Variants in DLG2 observed in about 807,000 individuals in gnomAD.
The protein encoded by DLG2 is discs large MAGUK scaffold protein 2, also known as disks large homolog 2.
DLG2 carries 45 observed loss-of-function variants against 132.5 expected under a neutral mutation model. That is an observed-to-expected ratio of 0.34 (90% CI 0.27 to 0.44). The LOEUF is 0.44. DLG2 is among the 20% of genes least tolerant of loss of function. The probability of loss-of-function intolerance (pLI) is 1.00; values close to 1 mark genes in which losing one functional copy is unlikely to be tolerated. For synonymous variants in DLG2, 424 were observed against 419.6 expected (o/e 1.01, Z -0.13); for missense variants, 1,045 against 1,196.9 (o/e 0.87, Z 1.87).
chr11:83,705,635 A>G (rs1335899223), intron 18 of DLG2, among the ~76,000 whole-genome samples: 3 of 152,210 alleles, frequency 2.0e-5, no homozygotes, highest in Non-Finnish European at 4.4e-5. Context: ...TAACATTTAA[A>G]AAGAACAACA....
At chr11:84,640,170 G>C (rs2099654783) in intron 6 of DLG2, 1 of 266,024 alleles carries the variant, frequency 3.8e-6, no homozygotes, top group East Asian at 1.2e-4. Flanking sequence ...GACAAATGGA[G>C]AAACAGAAAA....
At chr11:83,703,314 T>C (rs2083295206) in intron 18 of DLG2, among the ~76,000 whole-genome samples, 1 of 152,208 alleles carries the variant, frequency 6.6e-6, no homozygotes, top group Admixed American at 6.5e-5. Flanking sequence ...TCTTGAATTG[T>C]AATGTTTAAT....
intron 3 of DLG2, among the ~76,000 whole-genome samples, chr11:85,442,078 G>A (rs910173364): frequency 4.0e-5 from 6 of 151,830 alleles, no homozygotes; most frequent in Admixed American, 6.6e-5. Flanking sequence ...CAATGAGCAA[G>A]GAAATAAGTG....
At chr11:83,979,989 C>T (rs2092637860) in intron 12 of DLG2, among the ~76,000 whole-genome samples, 2 of 152,152 alleles carry the variant, frequency 1.3e-5, no homozygotes, top group Non-Finnish European at 2.9e-5. Flanking sequence ...ATACATTGTA[C>T]ATGTACTTTT....
chr11:84,841,588 T>C (rs2080699677), intron 6 of DLG2, among the ~76,000 whole-genome samples: 1 of 152,000 alleles, frequency 6.6e-6, no homozygotes, highest in Non-Finnish European at 1.5e-5. Flanking sequence ...TGGTAGATGG[T>C]AGGCATCCAT....
At chr11:84,922,817 C>A (rs890895009) in intron 6 of DLG2, among the ~76,000 whole-genome samples, 1 of 142,214 alleles carries the variant, frequency 7.0e-6, no homozygotes, top group Non-Finnish European at 1.5e-5. Context: ...ATCTTTTCTT[C>A]CCCCCTCTCC....
chr11:85,109,213 C>A (rs572333086), intron 6 of DLG2, among the ~76,000 whole-genome samples: 1 of 152,092 alleles, frequency 6.6e-6, no homozygotes, highest in Admixed American at 6.6e-5. Flanking sequence ...AGATCGGTAT[C>A]TGCTGCACAA....
chr11:84,380,917 A>T (rs2098747051), intron 7 of DLG2, among the ~76,000 whole-genome samples: 1 of 151,982 alleles, frequency 6.6e-6, no homozygotes, highest in Non-Finnish European at 1.5e-5. Flanking sequence ...ATTTATGAAT[A>T]TATTAATGGA....
intron 7 of DLG2, among the ~76,000 whole-genome samples, chr11:84,361,380 C>T (rs530362350): frequency 6.6e-6 from 1 of 152,054 alleles, no homozygotes; most frequent in East Asian, 1.9e-4. Context: ...AGGATGACAG[C>T]AACCCCTCCT....
intron 8 of DLG2, among the ~76,000 whole-genome samples, chr11:84,211,785 A>G (rs1434711721): frequency 6.6e-6 from 1 of 152,230 alleles, no homozygotes; most frequent in Admixed American, 6.5e-5. Flanking sequence ...AACTCAGCAG[A>G]AAAATCCCTT....
chr11:85,508,358 A>G (rs959746819), intron 3 of DLG2, among the ~76,000 whole-genome samples: 4 of 152,044 alleles, frequency 2.6e-5, no homozygotes, highest in Non-Finnish European at 5.9e-5. Flanking sequence ...TCCTGCCACA[A>G]GGCCCTTGCA....
intron 19 of DLG2, among the ~76,000 whole-genome samples, chr11:83,612,387 T>C (rs1566053132): frequency 6.6e-6 from 1 of 152,228 alleles, no homozygotes; most frequent in Non-Finnish European, 1.5e-5. Flanking sequence ...AATGAGAAAA[T>C]GCCTAAAACA....
chr11:85,049,344 A>G (rs2062665270), intron 6 of DLG2, among the ~76,000 whole-genome samples: 1 of 152,024 alleles, frequency 6.6e-6, no homozygotes, highest in African/African-American at 2.4e-5. Context: ...TATTTCCGTG[A>G]GGGTAAAGAT....
intron 18 of DLG2, among the ~76,000 whole-genome samples, chr11:83,642,578 C>T (rs1411295910): frequency 6.6e-6 from 1 of 152,146 alleles, no homozygotes; most frequent in Non-Finnish European, 1.5e-5. Context: ...CTGAAAATTA[C>T]ATACATCAAA....
chr11:84,342,987 C>G (rs911962199), intron 7 of DLG2, among the ~76,000 whole-genome samples: 1 of 152,120 alleles, frequency 6.6e-6, no homozygotes, highest in Non-Finnish European at 1.5e-5. Context: ...GACACAATGC[C>G]CTGCCCTGTA....
chr11:84,812,321 C>T (rs913812954), intron 6 of DLG2, among the ~76,000 whole-genome samples: 1 of 152,130 alleles, frequency 6.6e-6, no homozygotes, highest in Non-Finnish European at 1.5e-5. Context: ...AACATACTTG[C>T]ACCTTTATAG....
intron 7 of DLG2, among the ~76,000 whole-genome samples, chr11:84,477,558 C>T (rs1165508251): frequency 2.0e-5 from 3 of 152,018 alleles, no homozygotes; most frequent in South Asian, 2.1e-4. Context: ...AGAAAACAAT[C>T]CCAGAATGAG....
chr11:84,968,830 T>C (rs560679723), intron 6 of DLG2, among the ~76,000 whole-genome samples: 1 of 152,270 alleles, frequency 6.6e-6, no homozygotes, highest in South Asian at 2.1e-4. Context: ...ACACACTCCT[T>C]CTAGGCTCTG....
At chr11:84,085,163 C>T (rs2096958831) in intron 10 of DLG2, among the ~76,000 whole-genome samples, 1 of 152,160 alleles carries the variant, frequency 6.6e-6, no homozygotes. Flanking sequence ...TAAATAATGA[C>T]ACAATTTATA....
Sources: gnomAD v4.1 joint callset for allele counts (sites outside exome capture counted in the v4.1 genomes callset) on GRCh38, gnomAD v4.1.1 for gene constraint, MANE v1.5 for transcripts, NCBI Gene and HGNC (gene_info 2026-07-23, HGNC 2026-07-21) for gene names.